Variants in TFPI2 observed in about 807,000 individuals in gnomAD.
TFPI2 encodes tissue factor pathway inhibitor 2, also known as placental protein 5.
TFPI2 carries 23 observed loss-of-function variants against 23.1 expected under a neutral mutation model. The ratio of observed to expected loss-of-function variants is 1.00; its 90% CI spans 0.72 to 1.41. The LOEUF (loss-of-function observed/expected upper bound fraction) is 1.41, where lower values mean the gene tolerates loss of function less well. Among genes scored for constraint, TFPI2 ranks in the 40% most tolerant of loss-of-function variants. TFPI2 has a pLI of 0.00. For missense variants in TFPI2, 291 were observed against 299.6 expected (o/e 0.97, Z 0.21); for synonymous variants, 119 against 111.7 (o/e 1.07, Z -0.41).
intron 3 of TFPI2, among the ~76,000 whole-genome samples, chr7:93,888,484 C>T (rs543263517): frequency 4.7e-4 from 67 of 143,854 alleles, no homozygotes; most frequent in African/African-American, 1.7e-3. Context: ...CGGTGACACC[C>T]CGTCGAAAGA....
chr7:93,887,378 T>G lies in TFPI2; in HGVS notation c.514A>C (p.Thr172Pro). The change falls in exon 4 of 5, where the codon ACT (threonine) becomes CCT (proline). Residue 172 changes from threonine (T) to proline (P), a missense_variant. By Grantham distance (38) the Thr-to-Pro change is conservative. Transcript: ENST00000222543. ...KDEGLCSANV[T>P]RYYFNPRYRT... ...TATCTTGGATTAAAATAATAGCGAG[T>G]CACATTGGCAGAGCACAGTCCCTCA... 1 of 1,613,622 alleles carries G rather than the reference T, an allele frequency of 6.2e-7. No individual in the cohort carries two copies. Among genetic ancestry groups the G allele is most frequent in the South Asian group, 1.1e-5 (1 of 91,028 alleles).
chr7:93,886,021 T>A lies in TFPI2; in HGVS notation c.*799A>T, dbSNP rs961597148. ...TTATGCATGGTTTCTCATGCATGGTTTATATAAATAAACACCTTAAACAGT... is the reference window on the plus strand; with the variant it reads ...TTATGCATGGTTTCTCATGCATGGTATATATAAATAAACACCTTAAACAGT... On this transcript the variant is annotated 3_prime_UTR_variant, in exon 5 of 5. Transcript: ENST00000222543. 3 of 152,060 alleles carry A rather than the reference T, an allele frequency of 2.0e-5. No homozygotes were observed. The highest frequency in any genetic ancestry group is 7.2e-5 in the African/African-American group (3 of 41,446). 9.4% of individuals were successfully genotyped at this position (152,060 alleles called of 1,614,324 possible). A position where few individuals can be genotyped will look rare whatever the true frequency, so the allele number is the denominator to read the frequency against.
At position 93,890,185 on chromosome 7, in the gene TFPI2, T is replaced by G; in HGVS notation, c.223A>C (p.Asn75His). 6.2e-7 allele frequency: 1 copy of G among 1,612,660 alleles called. No homozygotes were observed. Among genetic ancestry groups the G allele is most frequent in the African/African-American group, 1.3e-5 (1 of 74,996 alleles). Reference protein sequence around the residue: ...LYGGCEGNANNFYTWEACDDA... With the variant: ...LYGGCEGNANHFYTWEACDDA... ...TCGCAAGCCTCCCAGGTGTAGAAAT[T>G]GTTGGCGTTGCCCTCGCAGCCCCCG... The change falls in exon 2 of 5, where the codon AAT becomes CAT. Residue 75 changes from asparagine (N) to histidine (H), a missense_variant. Physicochemically the swap from Asn to His is moderately conservative, Grantham distance 68 (BLOSUM62 1). Coordinates refer to ENST00000222543, the MANE Select transcript of TFPI2 (RefSeq NM_006528.4).
rs1194038185 is a variant in TFPI2 at position 93,887,252 on chromosome 7, A to G, written c.631+9T>C. The G allele has an allele frequency of 1.3e-6, 2 of 1,595,522 alleles. No individual in the cohort carries two copies. Among genetic ancestry groups the G allele is most frequent in the Non-Finnish European group, 1.7e-6 (2 of 1,172,080 alleles). On this transcript the variant is annotated intron_variant, in intron 4 of 4. Coordinates refer to ENST00000222543, the MANE Select transcript of TFPI2 (RefSeq NM_006528.4). ...TTATCTAAAGGTGGAATAAGAAAAC[A>G]TTCACTACCTTTTGCACATGCACGT...
rs1329456491 is a variant in TFPI2, at chr7:93,890,030, C to G, written c.271+107G>C. 9 of 1,241,500 alleles carry G rather than the reference C, an allele frequency of 7.2e-6. No individual in the cohort carries two copies. In the African/African-American group the frequency reaches 9.2e-5, roughly 13 times the overall value. The allele number at this position is 1,241,500 out of a possible 1,614,324, so 76.9% of individuals were successfully genotyped here. ...AGGTTTGCTTAACACTTGAGAAAACCCAGGCTAAAACTTCCTGTAGAAAGC... is the reference window on the plus strand; with the variant it reads ...AGGTTTGCTTAACACTTGAGAAAACGCAGGCTAAAACTTCCTGTAGAAAGC... On this transcript the variant is annotated intron_variant, in intron 2 of 4. Coordinates refer to ENST00000222543, the MANE Select transcript of TFPI2 (RefSeq NM_006528.4).
In TFPI2 at chr7:93,885,836, C is replaced by T. The variant is rs1330956040; in HGVS notation, c.*984G>A. On this transcript the variant is annotated 3_prime_UTR_variant, in exon 5 of 5. Transcript: ENST00000222543. ...TCAAGCAAAAGGTAAACGCATTTGT[C>T]ATTTTGCATATTTAATTTGTAATTA... 1 of 151,906 alleles carries T rather than the reference C, an allele frequency of 6.6e-6. No homozygotes were observed. Among genetic ancestry groups the T allele is most frequent in the East Asian group, 1.9e-4 (1 of 5,190 alleles). The allele number at this position is 151,906 out of a possible 1,614,324, so 9.4% of individuals were successfully genotyped here. A position where few individuals can be genotyped will look rare whatever the true frequency, so the allele number is the denominator to read the frequency against.
rs1262852821 is a variant in TFPI2 at position 93,890,207 on chromosome 7, C to G, written c.201G>C (p.Gly67=). Residue 67 remains glycine, a synonymous_variant, in exon 2 of 5, where the codon GGG becomes GGC. Transcript: ENST00000222543. ...YTQSCRQFLY[G]GCEGNANNFY... ...AATTGTTGGCGTTGCCCTCGCAGCC[C>G]CCGTACAGGAACTGGCGGCAGCTCT... The G allele has an allele frequency of 2.5e-6, 4 of 1,613,772 alleles. No individual in the cohort carries two copies. The highest frequency in any genetic ancestry group is 3.4e-6 in the Non-Finnish European group (4 of 1,179,796).
Position 93,890,645 on chromosome 7 carries a change from G to A in TFPI2, c.34C>T (p.Leu12=). 2 of 1,613,414 alleles carry A rather than the reference G, an allele frequency of 1.2e-6. No individual in the cohort carries two copies. Among genetic ancestry groups the A allele is most frequent in the South Asian group, 1.1e-5 (1 of 91,062 alleles). The part of the protein sequence containing the change: ...DPARPLGLSI[L]LLFLTEAALG... ...GCAGCCTCCGTCAGGAAAAGCAGCA[G>A]AATCGACAGCCCCAGGGGGCGAGCG... The change falls in exon 1 of 5, where the codon CTG becomes TTG. Residue 12 remains leucine (L), a synonymous_variant. Transcript: ENST00000222543.
intron 3 of TFPI2, among the ~76,000 whole-genome samples, chr7:93,888,572 G>C (rs1270696891): frequency 9.5e-6 from 1 of 104,772 alleles, no homozygotes; most frequent in Non-Finnish European, 1.7e-5. Context: ...AAGGAAGGAA[G>C]GAAGGAAGGA....
intron 3 of TFPI2, among the ~76,000 whole-genome samples, chr7:93,888,443 G>C (rs1326170325): frequency 6.6e-6 from 1 of 150,872 alleles, no homozygotes; most frequent in Admixed American, 6.6e-5. Flanking sequence ...CAGATCATGA[G>C]GTCAGGAGAT....
At chr7:93,888,963 C>T (rs1794069096) in intron 3 of TFPI2, 72 bp downstream of exon 3, 5 of 1,392,420 alleles carry the variant, frequency 3.6e-6, no homozygotes, top group Non-Finnish European at 4.9e-6. Context: ...AATTTCGCAT[C>T]AAATTGAGTT....
intron 2 of TFPI2, 119 bp from the exon 3 acceptor site, chr7:93,889,342 A>T: frequency 1.1e-6 from 1 of 891,780 alleles, no homozygotes; most frequent in South Asian, 2.0e-5. Flanking sequence ...TTGGGATAGT[A>T]AATACCCAGA....
chr7:93,890,208 C>T lies in TFPI2; in HGVS notation c.200G>A (p.Gly67Glu). The change falls in exon 2 of 5, where the codon GGG becomes GAG. Residue 67 changes from glycine (G) to glutamate (E), a missense_variant. Coordinates refer to ENST00000222543, the MANE Select transcript of TFPI2 (RefSeq NM_006528.4). Reference sequence around the variant, plus strand: ...ATTGTTGGCGTTGCCCTCGCAGCCCCCGTACAGGAACTGGCGGCAGCTCTG... The same window carrying T: ...ATTGTTGGCGTTGCCCTCGCAGCCCTCGTACAGGAACTGGCGGCAGCTCTG... ...YTQSCRQFLYGGCEGNANNFY... is the reference protein window; with the variant it reads ...YTQSCRQFLYEGCEGNANNFY... 3 of 1,613,832 alleles carry T rather than the reference C, an allele frequency of 1.9e-6. No individual in the cohort carries two copies. Among genetic ancestry groups the T allele is most frequent in the Non-Finnish European group, 2.5e-6 (3 of 1,179,820 alleles).
In TFPI2 at chr7:93,886,687, G is replaced by A; in HGVS notation, c.*133C>T. 1.6e-6 allele frequency: 1 copy of A among 632,700 alleles called. No homozygotes were observed. 39.2% of individuals were successfully genotyped at this position (632,700 alleles called of 1,614,324 possible). On this transcript the variant is annotated 3_prime_UTR_variant, in exon 5 of 5. Transcript: ENST00000222543. ...TAAAAAAATCCAAATTTTTTAAAAA[G>A]TGACTTGTATTAATAAAAACTGGTG... is the stretch of plus-strand genomic sequence containing the variant.
At chr7:93,887,146 A>T in intron 4 of TFPI2, 115 bp downstream of exon 4, 1 of 1,046,820 alleles carries the variant, frequency 9.6e-7, no homozygotes, top group Non-Finnish European at 1.4e-6. Context: ...ACTTATGTAG[A>T]AGTAGTCTAG....
intron 3 of TFPI2, among the ~76,000 whole-genome samples, chr7:93,888,589 G>GGAAGGAAGGAA (rs138314368): frequency 9.7e-6 from 1 of 103,286 alleles, no homozygotes; most frequent in African/African-American, 4.8e-5. Context: ...AGGAAGGAAA[G>GGAAGGAAGGAA]AGAAAGAAAG....
chr7:93,890,112 TCC>T, intron 2 of TFPI2, 23 bp downstream of exon 2: 4 of 1,561,166 alleles, frequency 2.6e-6, no homozygotes, highest in Non-Finnish European at 3.5e-6. Flanking sequence ...AGCGCGAGAG[TCC>T]TGGGTGCGCG....
chr7:93,887,952 C>A (rs770460045), intron 3 of TFPI2, among the ~76,000 whole-genome samples: 46 of 152,356 alleles, frequency 3.0e-4, no homozygotes, highest in Non-Finnish European at 5.7e-4. Flanking sequence ...CAACACAGTA[C>A]AGCTATAAAG....
In TFPI2 at chr7:93,886,309, CTTA is replaced by C. The variant is rs1462470398; in HGVS notation, c.*508_*510del. 2 of 152,026 alleles carry C rather than the reference CTTA, an allele frequency of 1.3e-5. No individual in the cohort carries two copies. The highest frequency in any genetic ancestry group is 4.8e-5 in the African/African-American group (2 of 41,420). 9.4% of individuals were successfully genotyped at this position (152,026 alleles called of 1,614,324 possible). On this transcript the variant is annotated 3_prime_UTR_variant, in exon 5 of 5. Coordinates refer to ENST00000222543, the MANE Select transcript of TFPI2 (RefSeq NM_006528.4). Reference sequence around the variant, plus strand: ...AGTTAAGATCTTTTAAATAAATCCCCTTATTCATTCATTGTACTGCAATCTAAC... The same window carrying C: ...AGTTAAGATCTTTTAAATAAATCCCCTTCATTCATTGTACTGCAATCTAAC...
Sources: gnomAD v4.1 joint callset for allele counts (sites outside exome capture counted in the v4.1 genomes callset) on GRCh38, gnomAD v4.1.1 for gene constraint, MANE v1.5 for transcripts, NCBI Gene and HGNC (gene_info 2026-07-23, HGNC 2026-07-21) for gene names.